USP37: variants seen among roughly 807,000 people sequenced by gnomAD.
USP37 encodes ubiquitin carboxyl-terminal hydrolase 37.
In USP37, 27 loss-of-function variants were observed where a neutral mutation model predicts 124.0. The ratio of observed to expected loss-of-function variants is 0.22; its 90% CI spans 0.16 to 0.30. The LOEUF is 0.30. USP37 is among the 10% of genes least tolerant of loss of function. The pLI, the probability that USP37 is intolerant of heterozygous loss-of-function variation, is 1.00. For synonymous variants in USP37, 365 were observed against 388.0 expected (o/e 0.94, Z 0.70); for missense variants, 889 against 1,140.4 (o/e 0.78, Z 3.17).
chr2:218,523,715 G>T (rs1489115020), intron 10 of USP37, among the ~76,000 whole-genome samples: 1 of 152,024 alleles, frequency 6.6e-6, no homozygotes, highest in African/African-American at 2.4e-5. Context: ...ACTGAACCCG[G>T]CCTAGAGCAC....
At chr2:218,480,373 T>C (rs999640443) in intron 17 of USP37, among the ~76,000 whole-genome samples, 4 of 120,172 alleles carry the variant, frequency 3.3e-5, no homozygotes, top group Non-Finnish European at 6.4e-5. Flanking sequence ...CACTCCAGCC[T>C]GGGCGACAGA....
chr2:218,556,081 TG>T (rs1362359609), intron 4 of USP37, among the ~76,000 whole-genome samples: 1 of 152,144 alleles, frequency 6.6e-6, no homozygotes, highest in African/African-American at 2.4e-5. Context: ...CCCAAAGAAA[TG>T]TGAGTTTGAG....
chr2:218,505,792 G>C (rs369326475), intron 11 of USP37, among the ~76,000 whole-genome samples: 1 of 152,106 alleles, frequency 6.6e-6, no homozygotes, highest in Non-Finnish European at 1.5e-5. Flanking sequence ...CAGATTGAAA[G>C]AGCTGGAAAG....
Position 218,476,969 on chromosome 2 carries a change from GA to G in USP37, c.1913del (p.Phe638SerfsTer19). The G allele has an allele frequency of 6.7e-7, 1 of 1,495,448 alleles. No individual in the cohort carries two copies. The highest frequency in any genetic ancestry group is 1.4e-5 in the South Asian group (1 of 70,482). 92.6% of individuals were successfully genotyped at this position (1,495,448 alleles called of 1,614,324 possible). ...ATAAAGCCAAGGAGCTCTTGGATTT[GA>G]AGGTGAATTTCCTGTAATTTAAGGA... ...SPSTPSKKFT[F>X]KSKSSLALCL... is the part of the protein sequence containing the mutation. On this transcript the variant is annotated frameshift_variant, in exon 19 of 26. Transcript: ENST00000258399. LOFTEE classifies it high-confidence loss of function.
At chr2:218,508,175 G>A (rs1028143224) in intron 11 of USP37, among the ~76,000 whole-genome samples, 3 of 151,960 alleles carry the variant, frequency 2.0e-5, no homozygotes, top group Non-Finnish European at 1.5e-5. Flanking sequence ...TTGTACTCCT[G>A]GTTAATCTTA....
chr2:218,529,053 A>G (rs140257438), intron 10 of USP37, among the ~76,000 whole-genome samples: 53 of 152,278 alleles, frequency 3.5e-4, no homozygotes, highest in African/African-American at 1.2e-3. Context: ...GGATGGTAGA[A>G]TATATATTGG....
At chr2:218,493,154 A>G (rs1688885921) in intron 14 of USP37, among the ~76,000 whole-genome samples, 1 of 152,238 alleles carries the variant, frequency 6.6e-6, no homozygotes. Flanking sequence ...ACAAACCTAT[A>G]GCAAGATGGG....
intron 18 of USP37, among the ~76,000 whole-genome samples, chr2:218,477,971 T>C (rs1691065149): frequency 2.0e-5 from 3 of 151,964 alleles, no homozygotes; most frequent in Admixed American, 2.0e-4. Flanking sequence ...AAGAAAAAAG[T>C]GGTAAAGGTC....
intron 10 of USP37, among the ~76,000 whole-genome samples, chr2:218,517,521 G>T (rs1198560023): frequency 6.6e-6 from 1 of 152,056 alleles, no homozygotes; most frequent in Non-Finnish European, 1.5e-5. Flanking sequence ...ATTCTATGTT[G>T]GCAGTTATTT....
At chr2:218,512,398 C>T (rs1690048871) in intron 10 of USP37, among the ~76,000 whole-genome samples, 2 of 151,990 alleles carry the variant, frequency 1.3e-5, no homozygotes, top group Non-Finnish European at 2.9e-5. Flanking sequence ...TCCCCAGCTA[C>T]TTGAGAGGCT....
At chr2:218,564,921 TTTTC>T (rs1222039825) in intron 1 of USP37, among the ~76,000 whole-genome samples, 3 of 152,124 alleles carry the variant, frequency 2.0e-5, no homozygotes, top group African/African-American at 4.8e-5. Context: ...TATTTTAATA[TTTTC>T]TTTCTTTTTC....
At chr2:218,482,310 CTA>C in intron 16 of USP37, 76 bp from the exon 17 acceptor site, 1 of 1,413,096 alleles carries the variant, frequency 7.1e-7, no homozygotes, top group Non-Finnish European at 9.4e-7. Context: ...AGAGATCACT[CTA>C]TGTTAGACGA....
At chr2:218,457,013 C>T (rs950215952) in intron 24 of USP37, 79 bp downstream of exon 24, 20 of 1,376,834 alleles carry the variant, frequency 1.5e-5, no homozygotes, top group Non-Finnish European at 1.8e-5. Flanking sequence ...CTTCACAAAG[C>T]TAGGCAAAGA....
At chr2:218,461,722 T>G (rs1690021447) in intron 22 of USP37, among the ~76,000 whole-genome samples, 1 of 150,458 alleles carries the variant, frequency 6.6e-6, no homozygotes, top group Non-Finnish European at 1.5e-5. Context: ...ATGGAAGAAC[T>G]AGGCCAGGCA....
At chr2:218,503,043 T>C (rs1327942842) in intron 11 of USP37, among the ~76,000 whole-genome samples, 1 of 152,236 alleles carries the variant, frequency 6.6e-6, no homozygotes, top group Non-Finnish European at 1.5e-5. Context: ...GAGTTCTATA[T>C]AAGCTAGATT....
At chr2:218,481,944 G>A in intron 17 of USP37, 126 bp downstream of exon 17, 1 of 1,131,738 alleles carries the variant, frequency 8.8e-7, no homozygotes, top group Non-Finnish European at 1.2e-6. Flanking sequence ...ATGAGCCACT[G>A]CATCTGGCCA....
intron 13 of USP37, among the ~76,000 whole-genome samples, chr2:218,496,302 G>GA (rs890632581): frequency 6.8e-5 from 10 of 146,086 alleles, no homozygotes; most frequent in African/African-American, 1.0e-4. Context: ...CAAAAGAAAA[G>GA]AAAAAAAAAC....
intron 11 of USP37, among the ~76,000 whole-genome samples, chr2:218,503,612 G>C (rs1195440438): frequency 1.3e-5 from 2 of 152,214 alleles, no homozygotes; most frequent in African/African-American, 4.8e-5. Context: ...CTACTCTGGA[G>C]GCTGAGGCAG....
At chr2:218,492,875 T>A (rs1261731422) in intron 14 of USP37, among the ~76,000 whole-genome samples, 1 of 152,104 alleles carries the variant, frequency 6.6e-6, no homozygotes, top group Non-Finnish European at 1.5e-5. Context: ...TGTGGTGGCA[T>A]GTGCTCGTAG....
Sources: gnomAD v4.1 joint callset for allele counts (sites outside exome capture counted in the v4.1 genomes callset) on GRCh38, gnomAD v4.1.1 for gene constraint, MANE v1.5 for transcripts, NCBI Gene and HGNC (gene_info 2026-07-23, HGNC 2026-07-21) for gene names.